The following ADD1 variants were observed in gnomAD, a reference collection of about 807,000 sequenced individuals.
ADD1 encodes the protein alpha-adducin.
In ADD1, 24 loss-of-function variants were observed where a neutral mutation model predicts 80.5. The ratio of observed to expected loss-of-function variants is 0.30; its 90% CI spans 0.22 to 0.42. The LOEUF is 0.42. Ranked by LOEUF, ADD1 falls within the 10% of genes least tolerant of loss-of-function variation. The probability of loss-of-function intolerance (pLI) is 1.00; values close to 1 mark genes in which losing one functional copy is unlikely to be tolerated. For synonymous variants in ADD1, 373 were observed against 393.8 expected (o/e 0.95, Z 0.63); for missense variants, 948 against 1,019.0 (o/e 0.93, Z 0.95).
At chr4:2,906,217 C>T (rs1029619425) in intron 10 of ADD1, among the ~76,000 whole-genome samples, 28 of 152,274 alleles carry the variant, frequency 1.8e-4, no homozygotes, top group South Asian at 1.2e-3. Flanking sequence ...CCTGAGCGGC[C>T]GCGTCACCTG....
intron 2 of ADD1, among the ~76,000 whole-genome samples, chr4:2,878,835 C>T (rs182682536): frequency 2.0e-5 from 3 of 152,172 alleles, no homozygotes; most frequent in Admixed American, 2.0e-4. Context: ...ACAATGTAAT[C>T]ATTACAATGG....
Position 2,894,025 on chromosome 4 carries a change from T to A in ADD1, c.523T>A (p.Ser175Thr). The change falls in exon 5 of 16, where the codon TCC becomes ACC. Residue 175 changes from serine (S) to threonine (T), a missense_variant. Physicochemically the swap from Ser to Thr is moderately conservative, Grantham distance 58 (BLOSUM62 1). Transcript: ENST00000683351. ...ATTTTCCCCACAGACCAGAGTGAAC[T>A]CCGAGCAGGAACACTTCCTCATTGT... ...IYNHITTRVN[S>T]EQEHFLIVPF... 6.2e-7 allele frequency: 1 copy of A among 1,614,106 alleles called. No individual in the cohort carries two copies. Among genetic ancestry groups the A allele is most frequent in the East Asian group, 2.2e-5 (1 of 44,886 alleles).
At chr4:2,917,282 C>G (rs1739243285) in intron 14 of ADD1, among the ~76,000 whole-genome samples, 1 of 152,016 alleles carries the variant, frequency 6.6e-6, no homozygotes, top group South Asian at 2.1e-4. Flanking sequence ...TCTCTAATGA[C>G]CAGTGATGAT....
chr4:2,879,858 G>A (rs75803875), intron 2 of ADD1, among the ~76,000 whole-genome samples: 1,911 of 152,224 alleles, frequency 0.013, 38 homozygotes, highest in African/African-American at 0.043. Context: ...AGGATTACAG[G>A]CACAAGCTTC....
intron 6 of ADD1, among the ~76,000 whole-genome samples, chr4:2,895,504 A>G (rs1391704965): frequency 1.3e-5 from 2 of 152,022 alleles, no homozygotes; most frequent in Non-Finnish European, 2.9e-5. Flanking sequence ...CGAGCTGGGG[A>G]AAGGGAGAGG....
intron 1 of ADD1, among the ~76,000 whole-genome samples, chr4:2,852,977 T>A (rs1368177008): frequency 6.6e-6 from 1 of 152,182 alleles, no homozygotes; most frequent in African/African-American, 2.4e-5. Context: ...TGGAAATAGC[T>A]GTAATCTAAC....
intron 6 of ADD1, among the ~76,000 whole-genome samples, chr4:2,894,974 C>T (rs1282336615): frequency 6.6e-6 from 1 of 151,986 alleles, no homozygotes; most frequent in Non-Finnish European, 1.5e-5. Flanking sequence ...TTAGATTTAA[C>T]AATTGGCCGG....
intron 6 of ADD1, among the ~76,000 whole-genome samples, chr4:2,895,081 G>A (rs1258722166): frequency 6.6e-6 from 1 of 152,014 alleles, no homozygotes; most frequent in African/African-American, 2.4e-5. Context: ...GCAACATAGT[G>A]AGACCCCGTC....
At chr4:2,877,612 G>A (rs185463612) in intron 2 of ADD1, among the ~76,000 whole-genome samples, 25 of 152,150 alleles carry the variant, frequency 1.6e-4, no homozygotes, top group African/African-American at 6.0e-4. Context: ...TGGTCAGAAA[G>A]GCTGTTCTCA....
At chr4:2,856,818 T>C (rs1046052110) in intron 1 of ADD1, among the ~76,000 whole-genome samples, 1 of 152,128 alleles carries the variant, frequency 6.6e-6, no homozygotes, top group African/African-American at 2.4e-5. Context: ...CTCAAACTCC[T>C]GACCTCAGGT....
chr4:2,875,831 C>T, intron 1 of ADD1, 65 bp from the exon 2 acceptor site: 1 of 1,286,884 alleles, frequency 7.8e-7, no homozygotes, highest in Admixed American at 2.4e-5. Flanking sequence ...AGCTCATGTG[C>T]TCATCATGAA....
intron 14 of ADD1, among the ~76,000 whole-genome samples, chr4:2,922,404 A>C (rs1358964888): frequency 6.6e-6 from 1 of 152,160 alleles, no homozygotes; most frequent in Non-Finnish European, 1.5e-5. Context: ...CCTCTGCTGC[A>C]GGTCTGTTGG....
intron 1 of ADD1, among the ~76,000 whole-genome samples, chr4:2,870,808 T>G (rs1447884922): frequency 6.6e-6 from 1 of 152,206 alleles, no homozygotes; most frequent in East Asian, 1.9e-4. Context: ...GATTGTCATT[T>G]GTGTTTTTTT....
intron 1 of ADD1, among the ~76,000 whole-genome samples, chr4:2,855,439 A>G (rs940097499): frequency 3.3e-5 from 5 of 149,308 alleles, no homozygotes; most frequent in Non-Finnish European, 7.4e-5. Flanking sequence ...ATATTCTTCC[A>G]TCTTTTGGTT....
Position 2,910,292 on chromosome 4 carries a change from G to T in ADD1, c.1791+861G>T, listed in dbSNP as rs866839355. On this transcript the variant is annotated intron_variant, in intron 13 of 15. Coordinates refer to ENST00000683351, the MANE Select transcript of ADD1 (RefSeq NM_001354761.2). ...TTGTCACACCTTCATTGAGATGCATGTGTCACTTTAGTGGTGTTCCAGTTC... is the reference window on the plus strand; with the variant it reads ...TTGTCACACCTTCATTGAGATGCATTTGTCACTTTAGTGGTGTTCCAGTTC... 2.6e-5 allele frequency among the ~76,000 whole-genome samples: 4 copies of T among 152,068 alleles called. No individual in the cohort carries two copies. In the South Asian group the frequency reaches 8.3e-4, roughly 32 times the overall value.
intron 9 of ADD1, chr4:2,902,073 T>C (rs1008073498): frequency 3.9e-5 from 6 of 152,304 alleles, no homozygotes; most frequent in South Asian, 4.1e-4. Context: ...TGTTTTTAAC[T>C]ACAAGCCAGA....
intron 15 of ADD1, among the ~76,000 whole-genome samples, chr4:2,927,741 T>G (rs572733118): frequency 5.5e-4 from 84 of 152,346 alleles, no homozygotes; most frequent in Non-Finnish European, 9.7e-4. Flanking sequence ...CTGGCTGTTT[T>G]GGGGGAGACC....
In ADD1 at chr4:2,928,623, G is replaced by A; in HGVS notation, c.*100G>A. 2 of 1,347,124 alleles carry A rather than the reference G, an allele frequency of 1.5e-6. No homozygotes were observed. The highest frequency in any genetic ancestry group is 2.1e-6 in the Non-Finnish European group (2 of 970,158). The allele number at this position is 1,347,124 out of a possible 1,614,324, so 83.4% of individuals were successfully genotyped here. A position where few individuals can be genotyped will look rare whatever the true frequency, so the allele number is the denominator to read the frequency against. On this transcript the variant is annotated 3_prime_UTR_variant, in exon 16 of 16. Coordinates refer to ENST00000683351, the MANE Select transcript of ADD1 (RefSeq NM_001354761.2). ...TCCTTGTGTAATGGAATGCAAAAAAGCCAAGCCCTCCGCCTAGAGGTCCCC... is the reference window on the plus strand; with the variant it reads ...TCCTTGTGTAATGGAATGCAAAAAAACCAAGCCCTCCGCCTAGAGGTCCCC...
Position 2,896,761 on chromosome 4 carries a change from TTTTG to T in ADD1, c.742-1415_742-1412del, listed in dbSNP as rs570643129. ...TATGAACAGCTATCACGTAACGTGT[TTTTG>T]TTTGTTTTTCTGAGACAGGATCTCA... On this transcript the variant is annotated intron_variant, in intron 6 of 15. Transcript: ENST00000683351. 4.6e-5 allele frequency among the ~76,000 whole-genome samples: 7 copies of T among 152,100 alleles called. No individual in the cohort carries two copies. The South Asian group carries it at 1.2e-3, about 27-fold the overall frequency.
Sources: allele counts gnomAD v4.1 joint callset (sites outside exome capture counted in the v4.1 genomes callset), GRCh38; gene constraint gnomAD v4.1.1; transcripts MANE v1.5; gene names NCBI Gene and HGNC (gene_info 2026-07-23, HGNC 2026-07-21).